Variants in SCAPER observed in about 807,000 individuals in gnomAD.
The protein encoded by SCAPER is S-phase cyclin A associated protein in the ER.
SCAPER carries 98 observed loss-of-function variants against 182.2 expected under a neutral mutation model. The observed-to-expected ratio is 0.54, with a 90% CI of 0.46 to 0.64. The LOEUF is 0.64. Ranked by LOEUF, SCAPER falls within the 30% of genes least tolerant of loss-of-function variation. SCAPER has a pLI of 0.00. For synonymous variants in SCAPER, 605 were observed against 564.6 expected (o/e 1.07, Z -1.01); for missense variants, 1,432 against 1,690.0 (o/e 0.85, Z 2.68).
intron 2 of SCAPER, among the ~76,000 whole-genome samples, chr15:76,873,331 A>AAGGAAGGAAGGAAGGC (rs1568382432): frequency 2.4e-5 from 2 of 83,770 alleles, no homozygotes; most frequent in African/African-American, 9.1e-5. Flanking sequence ...GGAAGGAAGG[A>AAGGAAGGAAGGAAGGC]AGGCAGGCAG....
At chr15:76,838,514 C>T (rs772858859) in intron 5 of SCAPER, among the ~76,000 whole-genome samples, 2 of 152,102 alleles carry the variant, frequency 1.3e-5, no homozygotes, top group Non-Finnish European at 2.9e-5. Context: ...TAGATATACT[C>T]GGGTCTTCTC....
chr15:76,789,148 G>A (rs948226701), intron 8 of SCAPER, among the ~76,000 whole-genome samples: 1 of 151,916 alleles, frequency 6.6e-6, no homozygotes, highest in African/African-American at 2.4e-5. Context: ...ATAATATCCA[G>A]TCTGTGTTCA....
intron 23 of SCAPER, among the ~76,000 whole-genome samples, chr15:76,513,474 G>A (rs945269932): frequency 2.6e-5 from 4 of 152,038 alleles, no homozygotes; most frequent in Non-Finnish European, 5.9e-5. Flanking sequence ...TTAAAACTAA[G>A]AGAGAAAAAA....
At chr15:76,608,877 G>A (rs922680599) in intron 22 of SCAPER, among the ~76,000 whole-genome samples, 1 of 152,134 alleles carries the variant, frequency 6.6e-6, no homozygotes, top group Non-Finnish European at 1.5e-5. Context: ...TTGGAAAAGC[G>A]CAGTATTAGG....
At chr15:76,760,980 T>C (rs1293321256) in intron 14 of SCAPER, among the ~76,000 whole-genome samples, 1 of 152,210 alleles carries the variant, frequency 6.6e-6, no homozygotes, top group African/African-American at 2.4e-5. Flanking sequence ...AGTGAAGCCA[T>C]CTGGCCCTAG....
chr15:76,557,801 T>C (rs157579), intron 23 of SCAPER, among the ~76,000 whole-genome samples: 7,016 of 152,152 alleles, frequency 0.046, 356 homozygotes, highest in African/African-American at 0.13. Context: ...TAAAAACAGA[T>C]ACATAGACCA....
At chr15:76,613,705 G>A (rs1268700348) in intron 22 of SCAPER, among the ~76,000 whole-genome samples, 1 of 152,124 alleles carries the variant, frequency 6.6e-6, no homozygotes, top group Admixed American at 6.5e-5. Flanking sequence ...AAACCATAAT[G>A]AGATATCATG....
chr15:76,450,267 A>C (rs1187285885), intron 25 of SCAPER, among the ~76,000 whole-genome samples: 1 of 152,212 alleles, frequency 6.6e-6, no homozygotes, highest in East Asian at 1.9e-4. Flanking sequence ...AAGGAAAGCA[A>C]ATCAATAGCT....
At chr15:76,380,476 T>A (rs4886492) in intron 28 of SCAPER, 124,517 of 152,054 alleles carry the variant, frequency 0.82, 53,040 homozygotes, top group Middle Eastern at 0.96. Context: ...ATGGCACATT[T>A]GTCATCAGCT....
chr15:76,402,339 T>A (rs912358986), intron 27 of SCAPER, among the ~76,000 whole-genome samples: 3 of 152,150 alleles, frequency 2.0e-5, no homozygotes, highest in African/African-American at 7.2e-5. Context: ...AGCAAATAGC[T>A]CCTTGTCCAG....
intron 23 of SCAPER, among the ~76,000 whole-genome samples, chr15:76,522,243 G>C (rs1366154311): frequency 6.6e-6 from 1 of 151,944 alleles, no homozygotes; most frequent in Non-Finnish European, 1.5e-5. Context: ...TAATAATTTA[G>C]GTCAAATTAT....
At chr15:76,693,525 T>C (rs1419866438) in intron 20 of SCAPER, among the ~76,000 whole-genome samples, 2 of 152,126 alleles carry the variant, frequency 1.3e-5, no homozygotes, top group Admixed American at 6.5e-5. Flanking sequence ...AACAAATATT[T>C]GTATAACCCA....
intron 29 of SCAPER, among the ~76,000 whole-genome samples, chr15:76,372,667 C>A (rs1365634714): frequency 5.9e-5 from 9 of 152,192 alleles, no homozygotes; most frequent in Admixed American, 5.9e-4. Flanking sequence ...GAACTGCACA[C>A]AGCAAAATAT....
intron 24 of SCAPER, among the ~76,000 whole-genome samples, chr15:76,495,622 T>C (rs1350284660): frequency 1.4e-5 from 2 of 141,410 alleles, no homozygotes; most frequent in Admixed American, 1.4e-4. Context: ...GACGATGCAA[T>C]GCTCTGAAAA....
At chr15:76,411,080 C>T (rs992241589) in intron 26 of SCAPER, among the ~76,000 whole-genome samples, 3 of 152,158 alleles carry the variant, frequency 2.0e-5, no homozygotes, top group African/African-American at 7.2e-5. Context: ...CTCATCATCA[C>T]AGAAAGATCC....
intron 20 of SCAPER, among the ~76,000 whole-genome samples, chr15:76,690,596 CTG>C (rs1447217766): frequency 6.6e-6 from 1 of 152,104 alleles, no homozygotes; most frequent in Non-Finnish European, 1.5e-5. Context: ...ACAGGGGAAA[CTG>C]TGCAAAGGGT....
At chr15:76,680,051 A>G (rs140305304) in intron 20 of SCAPER, among the ~76,000 whole-genome samples, 72 of 152,270 alleles carry the variant, frequency 4.7e-4, no homozygotes, top group African/African-American at 1.6e-3. Flanking sequence ...ATATTTTAGT[A>G]ATAGAGTAAC....
chr15:76,858,483 G>A (rs1245383064), intron 3 of SCAPER, among the ~76,000 whole-genome samples: 1 of 150,820 alleles, frequency 6.6e-6, no homozygotes, highest in Non-Finnish European at 1.5e-5. Context: ...TTTTATTTTA[G>A]GTACAGGGGT....
At chr15:76,371,312 T>A (rs1371437455) in intron 29 of SCAPER, among the ~76,000 whole-genome samples, 1 of 149,840 alleles carries the variant, frequency 6.7e-6, no homozygotes, top group Non-Finnish European at 1.5e-5. Context: ...AATATTTCTC[T>A]CTCTCTCTTT....
Sources: gnomAD v4.1 joint callset for allele counts (sites outside exome capture counted in the v4.1 genomes callset) on GRCh38, gnomAD v4.1.1 for gene constraint, MANE v1.5 for transcripts, NCBI Gene and HGNC (gene_info 2026-07-23, HGNC 2026-07-21) for gene names.